The following HS3ST3A1 variants were observed in gnomAD, a reference collection of about 807,000 sequenced individuals.
HS3ST3A1 encodes heparan sulfate-glucosamine 3-sulfotransferase 3A1.
Under a neutral mutation model 25.7 loss-of-function variants are expected in HS3ST3A1, and 19 were observed. That is an observed-to-expected ratio of 0.74 (90% confidence interval 0.52 to 1.08). The LOEUF is 1.08. HS3ST3A1 is among the 50% of genes least tolerant of loss of function. The pLI, the probability that HS3ST3A1 is intolerant of heterozygous loss-of-function variation, is 0.00. For missense variants in HS3ST3A1, 459 were observed against 594.3 expected, an observed-to-expected ratio of 0.77 and a Z score of 2.37; for synonymous variants, 226 against 278.6, an observed-to-expected ratio of 0.81 and a Z score of 1.88.
intron 1 of HS3ST3A1, among the ~76,000 whole-genome samples, chr17:13,503,818 G>T (rs143319261): frequency 1.3e-5 from 2 of 152,154 alleles, no homozygotes; most frequent in African/African-American, 4.8e-5. Flanking sequence ...TCTACCAAAC[G>T]AGCGCATTCA....
intron 1 of HS3ST3A1, among the ~76,000 whole-genome samples, chr17:13,533,297 G>C (rs1046997423): frequency 1.3e-5 from 2 of 151,902 alleles, no homozygotes; most frequent in African/African-American, 4.8e-5. Flanking sequence ...ATACATATCT[G>C]CTACAATCCA....
At chr17:13,562,386 C>T (rs1907572270) in intron 1 of HS3ST3A1, among the ~76,000 whole-genome samples, 1 of 152,142 alleles carries the variant, frequency 6.6e-6, no homozygotes. Context: ...CACATCCTGT[C>T]ACCAGTGTGG....
At chr17:13,577,888 G>T (rs1035631363) in intron 1 of HS3ST3A1, among the ~76,000 whole-genome samples, 2 of 152,112 alleles carry the variant, frequency 1.3e-5, no homozygotes, top group Admixed American at 1.3e-4. Flanking sequence ...GTGTGTGTGT[G>T]TCAAAAGAAT....
At chr17:13,579,678 G>A (rs1409143101) in intron 1 of HS3ST3A1, among the ~76,000 whole-genome samples, 2 of 131,546 alleles carry the variant, frequency 1.5e-5, no homozygotes, top group African/African-American at 5.8e-5. Flanking sequence ...TCCAGCCTGG[G>A]TGACAGAGCC....
intron 1 of HS3ST3A1, among the ~76,000 whole-genome samples, chr17:13,521,493 A>G (rs546063721): frequency 6.6e-5 from 10 of 152,352 alleles, no homozygotes; most frequent in Admixed American, 2.0e-4. Context: ...CTGGCACTCA[A>G]AGCTCATTAG....
rs1322084703 is a variant in HS3ST3A1, at chr17:13,600,923, G to A, written c.207C>T (p.Gly69=). 4 of 1,528,438 alleles carry A rather than the reference G, an allele frequency of 2.6e-6. No individual in the cohort carries two copies. The highest frequency in any genetic ancestry group is 2.0e-5 in the Admixed American group (1 of 48,844). 94.7% of individuals were successfully genotyped at this position (1,528,438 alleles called of 1,614,324 possible). Residue 69 remains glycine, a synonymous_variant, in exon 1 of 2, where the codon GGC becomes GGT. Coordinates refer to ENST00000284110, the MANE Select transcript of HS3ST3A1 (RefSeq NM_006042.3). Reference sequence around the variant, plus strand: ...GCTCCCTCGGGCCTCCGGCCAGGACGCCGCCACCAGGGGCCCCCGCCTCCT... The same window carrying A: ...GCTCCCTCGGGCCTCCGGCCAGGACACCGCCACCAGGGGCCCCCGCCTCCT... ...GGEEAGAPGG[G]VLAGGPRELA...
At chr17:13,500,109 C>G (rs1007347753) in intron 1 of HS3ST3A1, among the ~76,000 whole-genome samples, 7 of 151,950 alleles carry the variant, frequency 4.6e-5, no homozygotes, top group African/African-American at 1.5e-4. Context: ...TTTTTTCATA[C>G]ATTTTTATTG....
intron 1 of HS3ST3A1, among the ~76,000 whole-genome samples, chr17:13,593,146 A>G (rs1908473746): frequency 6.6e-6 from 1 of 151,168 alleles, no homozygotes; most frequent in Non-Finnish European, 1.5e-5. Context: ...CATCTTTGCC[A>G]TAAGGTGCAT....
chr17:13,600,716 C>A lies in HS3ST3A1; in HGVS notation c.414G>T (p.Pro138=). The change falls in exon 1 of 2, where the codon CCG becomes CCT. Residue 138 remains proline (P), a synonymous_variant. Transcript: ENST00000284110. ...CGTCCAGGAGCAGCGCCAGGGTCCC[C>A]GGCGGGGCCTCGGCCACGGTGCTTC... ...GAGSTVAEAP[P]GTLALLLDEG... The A allele has an allele frequency of 1.9e-6, 3 of 1,554,772 alleles. No homozygotes were observed. Among genetic ancestry groups the A allele is most frequent in the Non-Finnish European group, 2.6e-6 (3 of 1,157,672 alleles).
intron 1 of HS3ST3A1, among the ~76,000 whole-genome samples, chr17:13,554,710 G>T (rs1486510029): frequency 6.6e-6 from 1 of 152,196 alleles, no homozygotes; most frequent in African/African-American, 2.4e-5. Flanking sequence ...CAAAGGTTTT[G>T]TCTTTCAAGC....
At chr17:13,506,800 T>A (rs1172781051) in intron 1 of HS3ST3A1, among the ~76,000 whole-genome samples, 1 of 151,432 alleles carries the variant, frequency 6.6e-6, no homozygotes, top group Non-Finnish European at 1.5e-5. Context: ...CTCACGCCTG[T>A]AATCCCAGCA....
At chr17:13,504,784 A>C (rs942214786) in intron 1 of HS3ST3A1, among the ~76,000 whole-genome samples, 3 of 152,144 alleles carry the variant, frequency 2.0e-5, no homozygotes, top group Non-Finnish European at 4.4e-5. Context: ...AAAGGAGTGG[A>C]GCTCATATAC....
chr17:13,584,697 T>A (rs1034218502), intron 1 of HS3ST3A1, among the ~76,000 whole-genome samples: 3 of 152,106 alleles, frequency 2.0e-5, no homozygotes, highest in Non-Finnish European at 4.4e-5. Context: ...GGCATATAGG[T>A]GCAGTAACCA....
intron 1 of HS3ST3A1, among the ~76,000 whole-genome samples, chr17:13,596,851 G>A (rs545392817): frequency 2.0e-5 from 3 of 152,142 alleles, no homozygotes; most frequent in African/African-American, 4.8e-5. Context: ...CAGCTGCTAC[G>A]AAATGCCAAT....
At chr17:13,586,131 G>A (rs1033819438) in intron 1 of HS3ST3A1, among the ~76,000 whole-genome samples, 1 of 151,952 alleles carries the variant, frequency 6.6e-6, no homozygotes, top group Non-Finnish European at 1.5e-5. Flanking sequence ...ACAGGCGTGA[G>A]CCACCACAAC....
intron 1 of HS3ST3A1, among the ~76,000 whole-genome samples, chr17:13,503,821 C>T (rs1019265525): frequency 3.3e-5 from 5 of 152,164 alleles, no homozygotes; most frequent in African/African-American, 7.2e-5. Context: ...ACCAAACGAG[C>T]GCATTCACTG....
chr17:13,539,142 C>T (rs1034685254), intron 1 of HS3ST3A1, among the ~76,000 whole-genome samples: 2 of 152,122 alleles, frequency 1.3e-5, no homozygotes, highest in African/African-American at 4.8e-5. Flanking sequence ...TTGTTGAATT[C>T]CTTATTTGGT....
chr17:13,577,967 GAT>G (rs1424300898), intron 1 of HS3ST3A1, among the ~76,000 whole-genome samples: 1 of 152,036 alleles, frequency 6.6e-6, no homozygotes, highest in Non-Finnish European at 1.5e-5. Flanking sequence ...GACAGTATTT[GAT>G]ACAACTTTTC....
In HS3ST3A1 at chr17:13,585,588, G is replaced by T. The variant is rs77102236; in HGVS notation, c.599+14943C>A. On this transcript the variant is annotated intron_variant, in intron 1 of 1. Transcript: ENST00000284110. Reference sequence around the variant, plus strand: ...CACACTAAACATTTCTGCATGCATGGTATAGACTACAGAAATTCTCCCTTT... The same window carrying T: ...CACACTAAACATTTCTGCATGCATGTTATAGACTACAGAAATTCTCCCTTT... Among the ~76,000 whole-genome samples, 716 of 151,752 alleles carry T rather than the reference G, an allele frequency of 4.7e-3. 4 individuals carry two copies. The highest frequency in any genetic ancestry group is 9.6e-3 in the South Asian group (46 of 4,802).
Sources: allele counts gnomAD v4.1 joint callset (sites outside exome capture counted in the v4.1 genomes callset), GRCh38; gene constraint gnomAD v4.1.1; transcripts MANE v1.5; gene names NCBI Gene and HGNC (gene_info 2026-07-23, HGNC 2026-07-21).